Variants in CNTNAP2 observed in about 807,000 individuals in gnomAD.
The protein encoded by CNTNAP2 is contactin associated protein 2.
A neutral mutation model predicts 155.2 loss-of-function variants in CNTNAP2; 98 were observed. That is an observed-to-expected ratio of 0.63 (90% CI 0.54 to 0.75). CNTNAP2 has a LOEUF of 0.75. Ranked by LOEUF, CNTNAP2 falls within the 30% of genes least tolerant of loss-of-function variation. The pLI is 0.00. For missense variants in CNTNAP2, 1,727 were observed against 1,688.1 expected, an observed-to-expected ratio of 1.02 and a Z score of -0.40; for synonymous variants, 651 against 631.2, an observed-to-expected ratio of 1.03 and a Z score of -0.47.
intron 13 of CNTNAP2, among the ~76,000 whole-genome samples, chr7:147,732,386 A>G (rs1170564757): frequency 6.6e-6 from 1 of 152,156 alleles, no homozygotes; most frequent in Non-Finnish European, 1.5e-5. Context: ...TTATGGCTGC[A>G]TAGTATTCCA....
chr7:147,927,163 A>C (rs1381955196), intron 14 of CNTNAP2, among the ~76,000 whole-genome samples: 1 of 152,094 alleles, frequency 6.6e-6, no homozygotes, highest in African/African-American at 2.4e-5. Context: ...GATAAAGATA[A>C]TTTTTTTAGA....
At chr7:147,776,337 G>C (rs897401308) in intron 13 of CNTNAP2, among the ~76,000 whole-genome samples, 4 of 148,858 alleles carry the variant, frequency 2.7e-5, no homozygotes, top group African/African-American at 9.9e-5. Context: ...TGACTAAAAT[G>C]AATGTAAAAG....
At chr7:146,285,362 C>A (rs997123792) in intron 1 of CNTNAP2, among the ~76,000 whole-genome samples, 3 of 151,860 alleles carry the variant, frequency 2.0e-5, no homozygotes, top group South Asian at 4.1e-4. Context: ...ACATGGAAAA[C>A]TACTCAATCA....
chr7:148,277,537 C>T (rs531557219), intron 21 of CNTNAP2, among the ~76,000 whole-genome samples: 22 of 152,176 alleles, frequency 1.4e-4, no homozygotes, highest in African/African-American at 5.3e-4. Flanking sequence ...TGTCGGCTTA[C>T]TCTTCTTCCC....
chr7:147,083,709 T>C (rs1032404674), intron 4 of CNTNAP2, among the ~76,000 whole-genome samples: 2 of 145,006 alleles, frequency 1.4e-5, no homozygotes, highest in African/African-American at 2.5e-5. Flanking sequence ...TAATGTATTA[T>C]ATATTTATAT....
intron 1 of CNTNAP2, among the ~76,000 whole-genome samples, chr7:146,757,602 T>C (rs1802015386): frequency 1.3e-5 from 2 of 152,188 alleles, no homozygotes; most frequent in Non-Finnish European, 2.9e-5. Flanking sequence ...AAACTGAGAT[T>C]CCACATGAAT....
chr7:147,984,608 G>A (rs372802060), intron 15 of CNTNAP2, among the ~76,000 whole-genome samples: 51 of 152,006 alleles, frequency 3.4e-4, no homozygotes, highest in African/African-American at 1.2e-3. Context: ...TAATGAGGGG[G>A]TCTAGGGAAA....
At chr7:147,123,958 C>G (rs997429127) in intron 6 of CNTNAP2, among the ~76,000 whole-genome samples, 2 of 152,180 alleles carry the variant, frequency 1.3e-5, no homozygotes, top group Non-Finnish European at 2.9e-5. Context: ...AGGAGAATCA[C>G]TTGAACTCAG....
intron 1 of CNTNAP2, among the ~76,000 whole-genome samples, chr7:146,366,754 G>T (rs1237895000): frequency 6.6e-6 from 1 of 152,088 alleles, no homozygotes; most frequent in African/African-American, 2.4e-5. Flanking sequence ...CTGAATATAA[G>T]AATTGTGGAA....
chr7:148,081,448 AAGCAGG>A (rs1353983430), intron 15 of CNTNAP2, among the ~76,000 whole-genome samples: 4 of 151,944 alleles, frequency 2.6e-5, no homozygotes, highest in Non-Finnish European at 5.9e-5. Context: ...CTAGAATATA[AAGCAGG>A]CAGAAAAACC....
intron 1 of CNTNAP2, among the ~76,000 whole-genome samples, chr7:146,635,929 AG>A (rs1799590364): frequency 1.3e-5 from 2 of 152,136 alleles, no homozygotes; most frequent in Non-Finnish European, 2.9e-5. Flanking sequence ...AGGAAAAAGG[AG>A]GGACTGTTCC....
chr7:147,435,413 T>C (rs1528529), intron 10 of CNTNAP2, among the ~76,000 whole-genome samples: 27,325 of 152,088 alleles, frequency 0.18, 2,684 homozygotes, highest in East Asian at 0.36. Flanking sequence ...ATTTTCCCCG[T>C]CTTACATATA....
intron 4 of CNTNAP2, among the ~76,000 whole-genome samples, chr7:147,094,943 G>C (rs1031957769): frequency 6.6e-6 from 1 of 152,092 alleles, no homozygotes. Context: ...ATCTGATGAG[G>C]GTCCACTTTC....
chr7:147,112,460 G>T (rs1314644732), intron 5 of CNTNAP2, among the ~76,000 whole-genome samples: 1 of 152,164 alleles, frequency 6.6e-6, no homozygotes, highest in Non-Finnish European at 1.5e-5. Flanking sequence ...GTTTTCTGTG[G>T]AATGCTTCCA....
At chr7:146,837,960 G>A (rs1029380031) in intron 2 of CNTNAP2, among the ~76,000 whole-genome samples, 2 of 152,168 alleles carry the variant, frequency 1.3e-5, no homozygotes, top group Non-Finnish European at 2.9e-5. Context: ...GTCTTGTGCA[G>A]TCTTGATCTA....
intron 1 of CNTNAP2, among the ~76,000 whole-genome samples, chr7:146,360,270 A>T (rs1029148057): frequency 6.6e-6 from 1 of 152,176 alleles, no homozygotes; most frequent in African/African-American, 2.4e-5. Context: ...TTTGACTTTC[A>T]GTGAGTGGGT....
intron 13 of CNTNAP2, among the ~76,000 whole-genome samples, chr7:147,667,256 A>G (rs771558366): frequency 7.2e-5 from 11 of 152,128 alleles, no homozygotes; most frequent in African/African-American, 1.2e-4. Context: ...GTTGATTGTG[A>G]GGGGGAATTA....
chr7:148,411,379 C>T (rs1374590449), intron 23 of CNTNAP2, among the ~76,000 whole-genome samples: 2 of 152,106 alleles, frequency 1.3e-5, no homozygotes, highest in Non-Finnish European at 1.5e-5. Context: ...GATTCTCCTG[C>T]TTCAGCCTCC....
intron 4 of CNTNAP2, among the ~76,000 whole-genome samples, chr7:147,093,935 A>G (rs1016887019): frequency 6.6e-6 from 1 of 152,210 alleles, no homozygotes; most frequent in Admixed American, 6.5e-5. Flanking sequence ...ACAGGTCCCA[A>G]TTTAAAGTCC....
Sources: gnomAD v4.1 joint callset for allele counts (sites outside exome capture counted in the v4.1 genomes callset) on GRCh38, gnomAD v4.1.1 for gene constraint, MANE v1.5 for transcripts, NCBI Gene and HGNC (gene_info 2026-07-23, HGNC 2026-07-21) for gene names.